Variants in CNIH3 observed in about 807,000 individuals in gnomAD.
CNIH3 encodes cornichon family AMPA receptor auxiliary protein 3.
Under a neutral mutation model 24.1 loss-of-function variants are expected in CNIH3, and 14 were observed. That is an observed-to-expected ratio of 0.58 (90% CI 0.38 to 0.91). The LOEUF is 0.91. Ranked by LOEUF, CNIH3 falls within the 40% of genes least tolerant of loss-of-function variation. The probability of loss-of-function intolerance (pLI) is 0.00; values close to 1 mark genes in which losing one functional copy is unlikely to be tolerated. For missense variants in CNIH3, 178 were observed against 196.8 expected, an observed-to-expected ratio of 0.90 and a Z score of 0.57; for synonymous variants, 68 against 73.8, an observed-to-expected ratio of 0.92 and a Z score of 0.40.
At chr1:224,689,038 A>G (rs1686801881) in intron 3 of CNIH3, among the ~76,000 whole-genome samples, 2 of 152,072 alleles carry the variant, frequency 1.3e-5, no homozygotes, top group Admixed American at 6.6e-5. Flanking sequence ...ATTTTCTTCC[A>G]TAATGCTTAT....
At chr1:224,735,915 C>T (rs1002733137) in intron 5 of CNIH3, among the ~76,000 whole-genome samples, 11 of 152,022 alleles carry the variant, frequency 7.2e-5, no homozygotes, top group African/African-American at 2.7e-4. Context: ...ACCCTTCTGC[C>T]TCAGCCTCCC....
intron 5 of CNIH3, among the ~76,000 whole-genome samples, chr1:224,586,848 A>G (rs1484503531): frequency 6.6e-6 from 1 of 152,182 alleles, no homozygotes; most frequent in Non-Finnish European, 1.5e-5. Context: ...GGAGGCAGAG[A>G]TTGGAGTGAT....
At chr1:224,702,721 A>G (rs1687567559) in intron 3 of CNIH3, among the ~76,000 whole-genome samples, 1 of 152,192 alleles carries the variant, frequency 6.6e-6, no homozygotes, top group East Asian at 1.9e-4. Context: ...TGATTGGTCA[A>G]GGGGGCACAG....
rs566863012 is a variant in CNIH3 at position 224,703,719 on chromosome 1, A to G, written c.198+18876A>G. On this transcript the variant is annotated intron_variant, in intron 3 of 5. Coordinates refer to ENST00000272133, the MANE Select transcript of CNIH3 (RefSeq NM_152495.2). The surrounding 1 kb of genome is among the most constrained non-coding windows in gnomAD (Gnocchi z 4.2). ...TTTGTTTCCTAAAAGATAGAAGTTC[A>G]TCTTTTTTCATGAGGCAAAAATATT... is the stretch of plus-strand genomic sequence containing the variant. Among the ~76,000 whole-genome samples, 130 of 152,306 alleles carry G rather than the reference A, an allele frequency of 8.5e-4. 1 individual carries two copies. Among genetic ancestry groups the G allele is most frequent in the African/African-American group, 3.1e-3 (129 of 41,548 alleles).
intron 3 of CNIH3, among the ~76,000 whole-genome samples, chr1:224,712,907 C>G (rs549919340): frequency 6.6e-6 from 1 of 152,330 alleles, no homozygotes; most frequent in East Asian, 1.9e-4. Context: ...GTTGCTCTGG[C>G]AACCACCTTA....
intron 1 of CNIH3, among the ~76,000 whole-genome samples, chr1:224,465,276 ATTTTGTAT>A (rs1269064354): frequency 2.6e-5 from 4 of 152,026 alleles, no homozygotes; most frequent in Non-Finnish European, 5.9e-5. Flanking sequence ...CACCTGACTG[ATTTTGTAT>A]TTTTAGTAGA....
At chr1:224,479,823 C>A (rs1676732912) in intron 1 of CNIH3, among the ~76,000 whole-genome samples, 1 of 152,224 alleles carries the variant, frequency 6.6e-6, no homozygotes, top group Non-Finnish European at 1.5e-5. Context: ...TCCCTCCTGG[C>A]TGCTTTCATG....
intron 1 of CNIH3, among the ~76,000 whole-genome samples, chr1:224,478,874 G>A (rs932946543): frequency 7.9e-5 from 12 of 152,146 alleles, no homozygotes; most frequent in African/African-American, 1.4e-4. Flanking sequence ...TGTGGATGGT[G>A]GCAGGCAAAA....
intron 1 of CNIH3, among the ~76,000 whole-genome samples, chr1:224,619,600 C>A (rs1683186016): frequency 6.6e-6 from 1 of 152,178 alleles, no homozygotes; most frequent in African/African-American, 2.4e-5. Flanking sequence ...ACCAGAGACA[C>A]CCTGATTTCA....
intron 3 of CNIH3, among the ~76,000 whole-genome samples, chr1:224,726,467 C>T (rs1689028062): frequency 6.6e-6 from 1 of 152,200 alleles, no homozygotes; most frequent in African/African-American, 2.4e-5. Flanking sequence ...GAAGTCAGGA[C>T]AGGTGGAATA....
intron 1 of CNIH3, chr1:224,435,277 C>G: frequency 1.1e-6 from 1 of 936,280 alleles, no homozygotes. Flanking sequence ...GTAACCAGGA[C>G]CGAAATCGGG....
intron 5 of CNIH3, among the ~76,000 whole-genome samples, chr1:224,736,705 G>C (rs1689608230): frequency 6.6e-6 from 1 of 152,172 alleles, no homozygotes; most frequent in South Asian, 2.1e-4. Flanking sequence ...GATGTTTACT[G>C]CTCCAGCCTG....
intron 3 of CNIH3, among the ~76,000 whole-genome samples, chr1:224,548,238 T>G (rs2124960929): frequency 6.6e-6 from 1 of 152,144 alleles, no homozygotes; most frequent in Non-Finnish European, 1.5e-5. Context: ...AGGCAATATC[T>G]TAGGGAGATA....
At position 224,600,606 on chromosome 1, in the gene CNIH3, C is replaced by T. The variant is rs571382356; in HGVS notation, n.402+34342C>T. Among the ~76,000 whole-genome samples, 22 of 152,318 alleles carry T rather than the reference C, an allele frequency of 1.4e-4. No homozygotes were observed. In the South Asian group the frequency reaches 4.6e-3, roughly 32 times the overall value. On this transcript the variant is annotated intron_variant and non_coding_transcript_variant, in intron 3 of 7. Transcript: ENST00000478120. ...TGCACTGCAGCCTGGAACTCCTGGC[C>T]TCAAGCGATCCCCCGACCTCAGCTT...
chr1:224,535,214 G>A (rs775171816), intron 2 of CNIH3, among the ~76,000 whole-genome samples: 3 of 152,180 alleles, frequency 2.0e-5, no homozygotes, highest in South Asian at 2.1e-4. Flanking sequence ...TAGACGCAGC[G>A]AGGAGAGCAT....
At chr1:224,739,169 T>C (rs903542270) in intron 5 of CNIH3, among the ~76,000 whole-genome samples, 160 bp from the exon 6 acceptor site, 8 of 151,788 alleles carry the variant, frequency 5.3e-5, no homozygotes, top group Non-Finnish European at 1.0e-4. Flanking sequence ...AGGGGCACAG[T>C]AGTGGAGTTG....
intron 3 of CNIH3, among the ~76,000 whole-genome samples, chr1:224,701,512 C>T (rs975469414): frequency 2.0e-5 from 3 of 152,146 alleles, no homozygotes; most frequent in African/African-American, 7.2e-5. Flanking sequence ...CTCATGTTGT[C>T]ATCTAATCCT....
intron 3 of CNIH3, among the ~76,000 whole-genome samples, chr1:224,721,273 C>T (rs1688709877): frequency 6.6e-6 from 1 of 152,086 alleles, no homozygotes; most frequent in Admixed American, 6.5e-5. Flanking sequence ...GCTTGTTGAA[C>T]CCTTAACCCC....
chr1:224,618,190 C>G (rs1396273801), intron 1 of CNIH3, among the ~76,000 whole-genome samples: 1 of 152,244 alleles, frequency 6.6e-6, no homozygotes, highest in Non-Finnish European at 1.5e-5. Context: ...CGAGTGCATG[C>G]AACTCTCAAG....
Sources: allele counts gnomAD v4.1 joint callset (sites outside exome capture counted in the v4.1 genomes callset), GRCh38; gene constraint gnomAD v4.1.1; non-coding constraint Gnocchi (gnomAD v3.1); transcripts MANE v1.5; gene names NCBI Gene and HGNC (gene_info 2026-07-23, HGNC 2026-07-21).